MED12L: variants seen among roughly 807,000 people sequenced by gnomAD.
MED12L encodes the protein mediator complex subunit 12L, also known as mediator of RNA polymerase II transcription subunit 12-like protein.
Under a neutral mutation model 281.3 loss-of-function variants are expected in MED12L, and 60 were observed. That is an observed-to-expected ratio of 0.21 (90% CI 0.17 to 0.26). MED12L has a LOEUF of 0.26. Ranked by LOEUF, MED12L falls within the 10% of genes least tolerant of loss-of-function variation. The probability of loss-of-function intolerance (pLI) is 1.00; values close to 1 mark genes in which losing one functional copy is unlikely to be tolerated. For synonymous variants in MED12L, 974 were observed against 987.2 expected (o/e 0.99, Z 0.25); for missense variants, 2,146 against 2,680.9 (o/e 0.80, Z 4.41).
At chr3:151,338,897 A>C (rs757770181) in intron 16 of MED12L, 1 of 1,579,696 alleles carries the variant, frequency 6.3e-7, no homozygotes, top group Admixed American at 1.7e-5. Flanking sequence ...TTTCAGCCTA[A>C]GGTAGTTATT....
chr3:151,338,766 A>G (rs897434919), intron 16 of MED12L: 16 of 1,613,682 alleles, frequency 9.9e-6, no homozygotes, highest in Non-Finnish European at 1.3e-5. Context: ...CAGTGGGAAG[A>G]GGACCTGGGT....
chr3:151,340,122 C>G (rs1751624392), intron 16 of MED12L, among the ~76,000 whole-genome samples: 1 of 152,098 alleles, frequency 6.6e-6, no homozygotes, highest in Non-Finnish European at 1.5e-5. Flanking sequence ...CTATTTAGCG[C>G]TTTAAAATAA....
chr3:151,125,113 T>C (rs1325067855), intron 4 of MED12L, among the ~76,000 whole-genome samples: 2 of 152,358 alleles, frequency 1.3e-5, no homozygotes, highest in African/African-American at 4.8e-5. Flanking sequence ...GTTTTAGCTA[T>C]CATTTAAAAT....
intron 16 of MED12L, chr3:151,219,534 C>G (rs1015471727): frequency 6.6e-6 from 1 of 152,104 alleles, no homozygotes; most frequent in Non-Finnish European, 1.5e-5. Flanking sequence ...TAAAAAATTA[C>G]CTTTTAAGAT....
At chr3:151,419,733 C>A (rs1050984336) in intron 43 of MED12L, among the ~76,000 whole-genome samples, 2 of 152,160 alleles carry the variant, frequency 1.3e-5, no homozygotes, top group Non-Finnish European at 2.9e-5. Context: ...TAACATAATA[C>A]AACTATCCTT....
intron 43 of MED12L, among the ~76,000 whole-genome samples, chr3:151,421,906 T>C (rs776141238): frequency 6.6e-6 from 1 of 152,214 alleles, no homozygotes; most frequent in Non-Finnish European, 1.5e-5. Context: ...AAGGTAGCTG[T>C]TGAAGATAAG....
Position 151,160,003 on chromosome 3 carries a change from C to A in MED12L, c.1009C>A (p.Pro337Thr). Residue 337 changes from proline (P) to threonine (T), a missense_variant, in exon 8 of 45, where the codon CCC becomes ACC. Pro to Thr is a conservative substitution (Grantham distance 38). Coordinates refer to ENST00000687756, the MANE Select transcript of MED12L (RefSeq NM_001393769.1). ...TATCGGGGCCCCCAGCCCTGGCCCC[C>A]CCGGCCCTGGCATGAGCCCCGTGCA... ...SSIGAPSPGPPGPGMSPVQLA... is the reference protein window; with the variant it reads ...SSIGAPSPGPTGPGMSPVQLA... The A allele has an allele frequency of 6.2e-7, 1 of 1,614,158 alleles. No homozygotes were observed. Among genetic ancestry groups the A allele is most frequent in the South Asian group, 1.1e-5 (1 of 91,084 alleles).
intron 16 of MED12L, among the ~76,000 whole-genome samples, chr3:151,260,108 G>A (rs990933046): frequency 1.3e-5 from 2 of 152,168 alleles, no homozygotes; most frequent in African/African-American, 4.8e-5. Flanking sequence ...GACACCATTG[G>A]TGGGCTTAGG....
intron 5 of MED12L, among the ~76,000 whole-genome samples, chr3:151,132,591 G>T (rs1715551801): frequency 6.6e-6 from 1 of 152,104 alleles, no homozygotes; most frequent in South Asian, 2.1e-4. Context: ...TGGGTAAGGT[G>T]GTGTCTATCG....
intron 13 of MED12L, among the ~76,000 whole-genome samples, chr3:151,189,850 A>G (rs1300129359): frequency 1.3e-5 from 2 of 152,246 alleles, no homozygotes; most frequent in Non-Finnish European, 2.9e-5. Context: ...AATGTGAGTT[A>G]AATAGGCTAG....
At chr3:151,230,480 C>T (rs1034495772) in intron 16 of MED12L, among the ~76,000 whole-genome samples, 1 of 151,976 alleles carries the variant, frequency 6.6e-6, no homozygotes, top group African/African-American at 2.4e-5. Context: ...ATAAACACTC[C>T]TTTCTCGTTA....
chr3:151,087,257 C>A (rs919726836), intron 2 of MED12L, among the ~76,000 whole-genome samples: 1 of 152,248 alleles, frequency 6.6e-6, no homozygotes, highest in African/African-American at 2.4e-5. Context: ...CGGTCGCTTT[C>A]CCGTTGCCGG....
At chr3:151,342,286 C>G (rs931770964) in intron 16 of MED12L, among the ~76,000 whole-genome samples, 1 of 152,200 alleles carries the variant, frequency 6.6e-6, no homozygotes, top group African/African-American at 2.4e-5. Context: ...AACACACCTC[C>G]CTGGTGTCTC....
At chr3:151,324,161 G>T (rs184742672) in intron 16 of MED12L, among the ~76,000 whole-genome samples, 16 of 152,318 alleles carry the variant, frequency 1.1e-4, no homozygotes, top group African/African-American at 3.8e-4. Flanking sequence ...CTTCAGTTTT[G>T]TTCCTATTTT....
intron 43 of MED12L, among the ~76,000 whole-genome samples, chr3:151,426,927 C>T (rs886452123): frequency 6.6e-6 from 1 of 151,906 alleles, no homozygotes; most frequent in Non-Finnish European, 1.5e-5. Flanking sequence ...AAGTGATCCT[C>T]CCACATCAGC....
At chr3:151,164,070 G>A in intron 9 of MED12L, 28 bp downstream of exon 9, 2 of 1,607,110 alleles carry the variant, frequency 1.2e-6, no homozygotes, top group Admixed American at 3.4e-5. Context: ...GTGATTTGAT[G>A]GCTGTTTTCA....
At chr3:151,279,384 T>C (rs1429461692) in intron 16 of MED12L, among the ~76,000 whole-genome samples, 1 of 152,226 alleles carries the variant, frequency 6.6e-6, no homozygotes, top group Non-Finnish European at 1.5e-5. Flanking sequence ...TAGGAGGCAG[T>C]GTTCTGGACA....
intron 44 of MED12L, among the ~76,000 whole-genome samples, chr3:151,432,258 G>A (rs765234882): frequency 7.9e-5 from 12 of 152,302 alleles, no homozygotes; most frequent in Admixed American, 5.9e-4. Flanking sequence ...ATAGGCACAC[G>A]CTTGAGTCAT....
intron 11 of MED12L, among the ~76,000 whole-genome samples, chr3:151,183,472 C>T (rs1559849847): frequency 1.3e-5 from 2 of 152,180 alleles, no homozygotes; most frequent in Non-Finnish European, 2.9e-5. Flanking sequence ...TGTGTGTACA[C>T]CGTGCTTGGT....
Sources: allele counts gnomAD v4.1 joint callset (sites outside exome capture counted in the v4.1 genomes callset), GRCh38; gene constraint gnomAD v4.1.1; transcripts MANE v1.5; gene names NCBI Gene and HGNC (gene_info 2026-07-23, HGNC 2026-07-21).